XRN2: variants seen among roughly 807,000 people sequenced by gnomAD.
The protein encoded by XRN2 is 5'-3' exoribonuclease 2.
A neutral mutation model predicts 138.5 loss-of-function variants in XRN2; 44 were observed. The ratio of observed to expected loss-of-function variants is 0.32; its 90% CI spans 0.25 to 0.41. XRN2 has a LOEUF of 0.41. Ranked by LOEUF, XRN2 falls within the 10% of genes least tolerant of loss-of-function variation. XRN2 has a pLI of 1.00. For synonymous variants in XRN2, 354 were observed against 369.4 expected (o/e 0.96, Z 0.48); for missense variants, 937 against 1,169.3 (o/e 0.80, Z 2.90).
chr20:21,330,365 G>A, intron 4 of XRN2, 116 bp from the exon 5 acceptor site: 1 of 937,174 alleles, frequency 1.1e-6, no homozygotes, highest in Non-Finnish European at 1.6e-6. Flanking sequence ...TTCCTCGGAT[G>A]ACGAGACTTC....
intron 1 of XRN2, among the ~76,000 whole-genome samples, chr20:21,323,773 G>A (rs2038081825): frequency 6.6e-6 from 1 of 152,104 alleles, no homozygotes; most frequent in East Asian, 1.9e-4. Context: ...GCCTTTTCTT[G>A]TGCTAGGCAC....
intron 28 of XRN2, among the ~76,000 whole-genome samples, chr20:21,383,732 C>T (rs2038909929): frequency 2.0e-5 from 3 of 152,162 alleles, no homozygotes; most frequent in Admixed American, 2.0e-4. Flanking sequence ...CCTTCCCTTA[C>T]CCTGCTGTCC....
intron 22 of XRN2, 96 bp downstream of exon 22, chr20:21,356,273 G>C: frequency 1.0e-6 from 1 of 955,910 alleles, no homozygotes; most frequent in Non-Finnish European, 1.5e-6. Context: ...ATTTTTAAGT[G>C]GTTATTCTGT....
chr20:21,326,629 C>T lies in XRN2; in HGVS notation c.315+28C>T, dbSNP rs374380499. On this transcript the variant is annotated intron_variant, in intron 3 of 29. Transcript: ENST00000377191. The stretch of plus-strand genomic sequence containing the variant: ...AAGTGCTAAAATAATTAGAAGCCTC[C>T]ATTTTGTTTTTTTTTGCTGTGTTAC... 8 of 1,563,598 alleles carry T rather than the reference C, an allele frequency of 5.1e-6. No individual in the cohort carries two copies. The South Asian group carries it at 5.9e-5, about 12-fold the overall frequency.
At chr20:21,383,250 T>G (rs1378902763) in intron 28 of XRN2, among the ~76,000 whole-genome samples, 2 of 152,226 alleles carry the variant, frequency 1.3e-5, no homozygotes, top group Non-Finnish European at 2.9e-5. Context: ...CTGTTTCATT[T>G]TCCTCAGTAC....
chr20:21,387,696 T>A (rs1308663028), intron 29 of XRN2, among the ~76,000 whole-genome samples: 2 of 152,212 alleles, frequency 1.3e-5, no homozygotes, highest in African/African-American at 4.8e-5. Context: ...CTTAATGGAA[T>A]CCTTACTAGA....
At chr20:21,341,438 G>A (rs2038370925) in intron 15 of XRN2, among the ~76,000 whole-genome samples, 1 of 152,216 alleles carries the variant, frequency 6.6e-6, no homozygotes, top group Non-Finnish European at 1.5e-5. Flanking sequence ...TGTGAACTCA[G>A]CAACTGCATG....
At chr20:21,330,383 T>C in intron 4 of XRN2, 98 bp from the exon 5 acceptor site, 1 of 1,254,664 alleles carries the variant, frequency 8.0e-7, no homozygotes, top group Non-Finnish European at 1.1e-6. Context: ...TTCACTTTCT[T>C]TTGTAGTGGA....
chr20:21,306,512 G>A (rs1568562906), intron 1 of XRN2, among the ~76,000 whole-genome samples: 1 of 76,028 alleles, frequency 1.3e-5, no homozygotes, highest in Non-Finnish European at 3.1e-5. Flanking sequence ...ATCTAGTAGT[G>A]TTGATGACAA....
At chr20:21,388,456 C>T (rs1318144645) in intron 29 of XRN2, among the ~76,000 whole-genome samples, 1 of 152,158 alleles carries the variant, frequency 6.6e-6, no homozygotes, top group Non-Finnish European at 1.5e-5. Context: ...TGTTGAAGCA[C>T]TATTAAATTG....
chr20:21,336,821 A>G (rs2038301554), intron 13 of XRN2, among the ~76,000 whole-genome samples: 1 of 152,192 alleles, frequency 6.6e-6, no homozygotes, highest in Non-Finnish European at 1.5e-5. Context: ...GTTCTAGAAA[A>G]GGTGACGAGA....
chr20:21,319,086 G>C (rs2038001922), intron 1 of XRN2, among the ~76,000 whole-genome samples: 1 of 152,004 alleles, frequency 6.6e-6, no homozygotes, highest in Non-Finnish European at 1.5e-5. Context: ...ATTTTTAATT[G>C]TTATATCTTT....
chr20:21,320,902 G>C (rs1441725386), intron 1 of XRN2, among the ~76,000 whole-genome samples: 1 of 152,174 alleles, frequency 6.6e-6, no homozygotes, highest in Non-Finnish European at 1.5e-5. Flanking sequence ...GCTCCTCCCA[G>C]CCATCTTAAT....
chr20:21,371,435 G>T (rs1247840723), intron 27 of XRN2, among the ~76,000 whole-genome samples: 1 of 152,210 alleles, frequency 6.6e-6, no homozygotes, highest in Admixed American at 6.5e-5. Flanking sequence ...CACAGAAGGG[G>T]CACAGAGGTA....
chr20:21,389,081 T>A (rs2038963258), intron 29 of XRN2, among the ~76,000 whole-genome samples, 192 bp from the exon 30 acceptor site: 1 of 152,370 alleles, frequency 6.6e-6, no homozygotes, highest in African/African-American at 2.4e-5. Context: ...GCATTTGTGC[T>A]AGCCTCCAAC....
At chr20:21,341,541 C>G (rs2038372036) in intron 15 of XRN2, among the ~76,000 whole-genome samples, 1 of 152,162 alleles carries the variant, frequency 6.6e-6, no homozygotes, top group Admixed American at 6.5e-5. Flanking sequence ...TGTACTTTGT[C>G]CACCACCTTC....
In XRN2 at chr20:21,344,079, A is replaced by G. The variant is rs200852632; in HGVS notation, c.1411-11A>G. 4.9e-5 allele frequency: 78 copies of G among 1,579,418 alleles called. No individual in the cohort carries two copies. In the Middle Eastern group the frequency reaches 1.0e-3, roughly 20 times the overall value. Reference sequence around the variant, plus strand: ...GAAATCCTTCTTCTGTAATGTCATCATTGTCTGCAGAGTCCTTCGATATCT... The same window carrying G: ...GAAATCCTTCTTCTGTAATGTCATCGTTGTCTGCAGAGTCCTTCGATATCT... On this transcript the variant is annotated splice_polypyrimidine_tract_variant and intron_variant, in intron 15 of 29. Coordinates refer to ENST00000377191, the MANE Select transcript of XRN2 (RefSeq NM_012255.5).
chr20:21,312,930 T>C (rs1430595278), intron 1 of XRN2, among the ~76,000 whole-genome samples: 2 of 152,166 alleles, frequency 1.3e-5, no homozygotes, highest in African/African-American at 4.8e-5. Flanking sequence ...CACAGTTCAA[T>C]TGAGCAATGA....
rs1244076328 is a variant in XRN2, at chr20:21,333,618, G to GGTATGTAGCAATAATCAT, written c.933+1_933+18dup. 2 of 1,613,702 alleles carry GGTATGTAGCAATAATCAT rather than the reference G, an allele frequency of 1.2e-6. No homozygotes were observed. The highest frequency in any genetic ancestry group is 3.3e-5 in the Admixed American group (2 of 60,010). On this transcript the variant is annotated inframe_insertion and splice_region_variant. Transcript: ENST00000377191. ...TCCTTCGGCTTAATGTTCTTCGTGA[G>GGTATGTAGCAATAATCAT]GTATGTAGCAATAATCATTGAAATC... is the stretch of plus-strand genomic sequence containing the variant.
Sources: allele counts gnomAD v4.1 joint callset (sites outside exome capture counted in the v4.1 genomes callset), GRCh38; gene constraint gnomAD v4.1.1; transcripts MANE v1.5; gene names NCBI Gene and HGNC (gene_info 2026-07-23, HGNC 2026-07-21).